Variants in KIAA1217 observed in about 807,000 individuals in gnomAD.
KIAA1217 encodes the protein sickle tail protein homolog.
A neutral mutation model predicts 163.9 loss-of-function variants in KIAA1217; 88 were observed. The observed-to-expected ratio is 0.54, with a 90% CI of 0.45 to 0.64. KIAA1217 has a LOEUF of 0.64. Among genes scored for constraint, KIAA1217 ranks in the 30% least tolerant of loss-of-function variants. KIAA1217 has a pLI of 0.00. For synonymous variants in KIAA1217, 903 were observed against 923.1 expected (o/e 0.98, Z 0.39); for missense variants, 2,372 against 2,475.0 (o/e 0.96, Z 0.88).
chr10:24,358,983 T>C (rs1439076446), intron 2 of KIAA1217, among the ~76,000 whole-genome samples: 1 of 152,158 alleles, frequency 6.6e-6, no homozygotes, highest in Admixed American at 6.5e-5. Context: ...GTACCTGAGA[T>C]CTGTGAATGA....
chr10:24,300,906 G>C (rs529345251), intron 2 of KIAA1217, among the ~76,000 whole-genome samples: 89 of 152,200 alleles, frequency 5.8e-4, no homozygotes, highest in African/African-American at 1.9e-3. Context: ...TCTGCCTTCC[G>C]GGTTCAAGCA....
At chr10:24,439,089 C>CAA (rs2060283271) in intron 5 of KIAA1217, among the ~76,000 whole-genome samples, 2 of 152,040 alleles carry the variant, frequency 1.3e-5, no homozygotes, top group Non-Finnish European at 2.9e-5. Flanking sequence ...GGAGATTATC[C>CAA]AAACATTCAA....
At chr10:23,972,956 G>T (rs1381000441) in intron 1 of KIAA1217, among the ~76,000 whole-genome samples, 1 of 152,094 alleles carries the variant, frequency 6.6e-6, no homozygotes, top group Non-Finnish European at 1.5e-5. Flanking sequence ...GGGGCCTGTT[G>T]GGGTTTGGGG....
chr10:23,933,606 C>T (rs944046575), intron 1 of KIAA1217, among the ~76,000 whole-genome samples: 3 of 152,050 alleles, frequency 2.0e-5, no homozygotes, highest in Admixed American at 6.6e-5. Context: ...TGAGCAGGCA[C>T]CCTACAGAAT....
chr10:23,725,344 T>A (rs1838077442), intron 1 of KIAA1217, among the ~76,000 whole-genome samples: 1 of 152,166 alleles, frequency 6.6e-6, no homozygotes, highest in African/African-American at 2.4e-5. Context: ...AGGCCACCAG[T>A]TAGAATGCAC....
intron 1 of KIAA1217, among the ~76,000 whole-genome samples, chr10:23,977,061 T>C (rs1845572528): frequency 6.6e-6 from 1 of 152,180 alleles, no homozygotes; most frequent in Non-Finnish European, 1.5e-5. Context: ...ATCTTTTTTA[T>C]GTATGTTTTA....
intron 1 of KIAA1217, among the ~76,000 whole-genome samples, chr10:23,726,834 C>T (rs930357956): frequency 2.6e-5 from 4 of 152,026 alleles, no homozygotes; most frequent in Non-Finnish European, 5.9e-5. Flanking sequence ...TCTTAAATTA[C>T]AAAGGAAATG....
chr10:24,416,082 G>C (rs2058224348), intron 3 of KIAA1217, among the ~76,000 whole-genome samples: 1 of 152,176 alleles, frequency 6.6e-6, no homozygotes, highest in Admixed American at 6.5e-5. Context: ...TGTTACAAGG[G>C]AGGAAACTTT....
chr10:24,424,842 C>G (rs1240854476), intron 3 of KIAA1217, among the ~76,000 whole-genome samples: 1 of 152,190 alleles, frequency 6.6e-6, no homozygotes, highest in East Asian at 1.9e-4. Context: ...ACCTTGTGAT[C>G]TGCCCACCTC....
At chr10:24,017,885 G>C (rs1239639273) in intron 2 of KIAA1217, among the ~76,000 whole-genome samples, 1 of 152,054 alleles carries the variant, frequency 6.6e-6, no homozygotes, top group Non-Finnish European at 1.5e-5. Flanking sequence ...TTAGTGTAAG[G>C]ACAAGTGCAC....
In KIAA1217 at chr10:24,137,310, AC is replaced by A. The variant is rs1295290930; in HGVS notation, c.-170-82313del. ...GTGGTGATGACTGAATCCTGCAGAG[AC>A]CCAATGACTGCAAGTAGGCATGCTC... On this transcript the variant is annotated intron_variant, in intron 2 of 18. Transcript: ENST00000376462. 3.9e-5 allele frequency among the ~76,000 whole-genome samples: 6 copies of A among 152,272 alleles called. No homozygotes were observed. The East Asian group carries it at 9.7e-4, about 25-fold the overall frequency.
chr10:23,995,855 C>T (rs1846458086), intron 1 of KIAA1217, among the ~76,000 whole-genome samples: 1 of 152,130 alleles, frequency 6.6e-6, no homozygotes, highest in African/African-American at 2.4e-5. Flanking sequence ...ACATGCTCAG[C>T]ACAGGACAGT....
At chr10:23,983,670 G>T (rs2131418791) in intron 1 of KIAA1217, among the ~76,000 whole-genome samples, 1 of 152,324 alleles carries the variant, frequency 6.6e-6, no homozygotes, top group African/African-American at 2.4e-5. Context: ...AGTTCAGCGA[G>T]ATTTGGGCAG....
At chr10:24,081,297 C>T (rs115651280) in intron 2 of KIAA1217, among the ~76,000 whole-genome samples, 3,835 of 152,244 alleles carry the variant, frequency 0.025, 149 homozygotes, top group African/African-American at 0.088. Context: ...TAAATGGCTA[C>T]GCTAATGTCA....
chr10:23,886,036 T>C (rs1032228452), intron 1 of KIAA1217, among the ~76,000 whole-genome samples: 2 of 151,908 alleles, frequency 1.3e-5, no homozygotes, highest in Non-Finnish European at 2.9e-5. Context: ...GAAACGTACT[T>C]ACGCGTATTT....
At chr10:24,332,755 T>C (rs763845891) in intron 2 of KIAA1217, among the ~76,000 whole-genome samples, 1 of 152,142 alleles carries the variant, frequency 6.6e-6, no homozygotes, top group African/African-American at 2.4e-5. Flanking sequence ...AATTAAATGG[T>C]CATAGTGGAC....
At chr10:24,039,888 G>C (rs532473612) in intron 2 of KIAA1217, among the ~76,000 whole-genome samples, 1 of 151,992 alleles carries the variant, frequency 6.6e-6, no homozygotes, top group Non-Finnish European at 1.5e-5. Context: ...ACCCTGACTA[G>C]TACAATTCCC....
At chr10:23,881,719 C>T (rs1840957188) in intron 1 of KIAA1217, among the ~76,000 whole-genome samples, 3 of 151,980 alleles carry the variant, frequency 2.0e-5, no homozygotes, top group Admixed American at 6.6e-5. Flanking sequence ...GTCTGACCCA[C>T]TGAATGAAGA....
intron 1 of KIAA1217, among the ~76,000 whole-genome samples, chr10:23,853,745 G>A (rs1839489126): frequency 1.3e-5 from 2 of 152,142 alleles, no homozygotes. Flanking sequence ...AGTCTTGGGA[G>A]GGTGTGTGTG....
Sources: allele counts gnomAD v4.1 joint callset (sites outside exome capture counted in the v4.1 genomes callset), GRCh38; gene constraint gnomAD v4.1.1; transcripts MANE v1.5; gene names NCBI Gene and HGNC (gene_info 2026-07-23, HGNC 2026-07-21).